Variants in CLVS1 observed in about 807,000 individuals in gnomAD.
CLVS1 encodes clavesin 1, also known as clavesin-1.
A neutral mutation model predicts 33.1 loss-of-function variants in CLVS1; 10 were observed. The ratio of observed to expected loss-of-function variants is 0.30; its 90% CI spans 0.19 to 0.51. The LOEUF is 0.51. Among genes scored for constraint, CLVS1 ranks in the 20% least tolerant of loss-of-function variants. The pLI is 0.97. For synonymous variants in CLVS1, 163 were observed against 166.1 expected, an observed-to-expected ratio of 0.98 and a Z score of 0.14; for missense variants, 343 against 433.4, an observed-to-expected ratio of 0.79 and a Z score of 1.85.
intron 2 of CLVS1, among the ~76,000 whole-genome samples, chr8:61,229,827 G>C (rs1167535197): frequency 2.0e-5 from 3 of 152,066 alleles, no homozygotes; most frequent in Non-Finnish European, 4.4e-5. Flanking sequence ...AGAAGGTTTC[G>C]CCATGGTGAC....
At chr8:61,024,351 A>C in the CLVS1 span, among the ~76,000 whole-genome samples, 1 of 152,204 alleles carries the variant, frequency 6.6e-6, no homozygotes, top group Non-Finnish European at 1.5e-5. Context: ...TGTGTGTTGA[A>C]GGAAGGAAAT....
chr8:61,320,474 T>A (rs1407599972), intron 2 of CLVS1, among the ~76,000 whole-genome samples: 1 of 152,204 alleles, frequency 6.6e-6, no homozygotes, highest in Non-Finnish European at 1.5e-5. Flanking sequence ...AATTAACTCT[T>A]ACAGTAAATA....
At chr8:61,254,179 G>A (rs906889140) in intron 2 of CLVS1, among the ~76,000 whole-genome samples, 1 of 152,180 alleles carries the variant, frequency 6.6e-6, no homozygotes, top group Non-Finnish European at 1.5e-5. Flanking sequence ...GTTTGCTGGA[G>A]GTCCACTCCA....
chr8:61,391,699 T>C (rs1465190953), intron 3 of CLVS1, among the ~76,000 whole-genome samples: 3 of 152,204 alleles, frequency 2.0e-5, no homozygotes, highest in Non-Finnish European at 4.4e-5. Context: ...TGTAGACTCA[T>C]TAAGGATTTG....
At chr8:61,139,416 A>C (rs1157679923) in intron 2 of CLVS1, among the ~76,000 whole-genome samples, 1 of 152,212 alleles carries the variant, frequency 6.6e-6, no homozygotes, top group Non-Finnish European at 1.5e-5. Flanking sequence ...ATGAGTTGTC[A>C]ATTAGCATCT....
chr8:61,083,488 G>A (rs752072227), intron 1 of CLVS1, among the ~76,000 whole-genome samples: 8 of 152,114 alleles, frequency 5.3e-5, no homozygotes, highest in Non-Finnish European at 5.9e-5. Context: ...GCCAGAGGCA[G>A]GGAGAACACA....
chr8:61,085,400 A>C (rs572779122), intron 1 of CLVS1, among the ~76,000 whole-genome samples: 2 of 152,248 alleles, frequency 1.3e-5, no homozygotes, highest in African/African-American at 4.8e-5. Flanking sequence ...TGACGGTAGA[A>C]ATCATGTCTC....
the CLVS1 span, among the ~76,000 whole-genome samples, chr8:60,997,032 A>C: frequency 6.6e-6 from 1 of 152,218 alleles, no homozygotes; most frequent in Admixed American, 6.5e-5. Context: ...AATTAAAAAA[A>C]AAAGATCTGA....
intron 1 of CLVS1, among the ~76,000 whole-genome samples, chr8:61,094,368 G>A (rs1356568235): frequency 6.6e-6 from 1 of 152,172 alleles, no homozygotes; most frequent in African/African-American, 2.4e-5. Flanking sequence ...CATTGATGAT[G>A]ATGAAGACCA....
upstream of CLVS1, among the ~76,000 whole-genome samples, chr8:61,054,022 T>C (rs1804430583): frequency 6.6e-6 from 1 of 152,184 alleles, no homozygotes; most frequent in African/African-American, 2.4e-5. Flanking sequence ...TTTGAATCAA[T>C]CTCCTCTCTC....
intron 2 of CLVS1, among the ~76,000 whole-genome samples, chr8:61,180,574 A>T (rs777254001): frequency 6.6e-6 from 1 of 152,188 alleles, no homozygotes; most frequent in Non-Finnish European, 1.5e-5. Context: ...GATGAACATC[A>T]ATGCAAAAAT....
the CLVS1 span, among the ~76,000 whole-genome samples, chr8:61,021,919 A>G: frequency 6.6e-6 from 1 of 152,062 alleles, no homozygotes; most frequent in Non-Finnish European, 1.5e-5. Context: ...CCCAGTGTCT[A>G]CTGTTCCCAT....
At chr8:61,181,345 T>A (rs1202838011) in intron 2 of CLVS1, among the ~76,000 whole-genome samples, 2 of 152,068 alleles carry the variant, frequency 1.3e-5, no homozygotes, top group African/African-American at 4.8e-5. Context: ...CACAAACAAA[T>A]GGAAAAACAT....
intron 2 of CLVS1, among the ~76,000 whole-genome samples, chr8:61,307,660 A>G (rs950695070): frequency 6.6e-6 from 1 of 152,202 alleles, no homozygotes; most frequent in Non-Finnish European, 1.5e-5. Flanking sequence ...TAAAGAAAGC[A>G]TGCTTACATT....
intron 2 of CLVS1, among the ~76,000 whole-genome samples, chr8:61,166,556 T>C (rs1194399651): frequency 4.6e-5 from 7 of 150,850 alleles, no homozygotes; most frequent in East Asian, 3.9e-4. Flanking sequence ...CTTTTTTTTT[T>C]GTTTCAATTG....
chr8:61,100,186 A>G (rs1359217402), intron 1 of CLVS1, among the ~76,000 whole-genome samples: 2 of 152,166 alleles, frequency 1.3e-5, no homozygotes, highest in Admixed American at 1.3e-4. Context: ...TGAACTTAAT[A>G]TTTTTATTAG....
intron 2 of CLVS1, among the ~76,000 whole-genome samples, chr8:61,217,175 A>G (rs773020516): frequency 3.3e-5 from 5 of 152,164 alleles, no homozygotes; most frequent in African/African-American, 7.2e-5. Context: ...TCATAACTAT[A>G]GGTGGATTTT....
At chr8:61,003,412 G>A in the CLVS1 span, among the ~76,000 whole-genome samples, 4 of 152,310 alleles carry the variant, frequency 2.6e-5, no homozygotes, top group Non-Finnish European at 5.9e-5. Context: ...CAACATGTTG[G>A]AAGTCAAGTG....
chr8:61,497,129 T>G (rs1347537459), intron 5 of CLVS1, among the ~76,000 whole-genome samples: 1 of 152,224 alleles, frequency 6.6e-6, no homozygotes, highest in African/African-American at 2.4e-5. Context: ...GAGGGGGTCC[T>G]CAAGACCACC....
Sources: gnomAD v4.1 joint callset for allele counts (sites outside exome capture counted in the v4.1 genomes callset) on GRCh38, gnomAD v4.1.1 for gene constraint, MANE v1.5 for transcripts, NCBI Gene and HGNC (gene_info 2026-07-23, HGNC 2026-07-21) for gene names.